Variants in CCDC9 observed in about 807,000 individuals in gnomAD.
CCDC9 encodes coiled-coil domain-containing protein 9.
In CCDC9, 52 loss-of-function variants were observed where a neutral mutation model predicts 65.6. The observed-to-expected ratio is 0.79, with a 90% CI of 0.63 to 1.00. The LOEUF (loss-of-function observed/expected upper bound fraction) is 1.00, where lower values mean the gene tolerates loss of function less well. Among genes scored for constraint, CCDC9 ranks in the 50% least tolerant of loss-of-function variants. CCDC9 has a pLI of 0.00. For missense variants in CCDC9, 834 were observed against 757.2 expected, an observed-to-expected ratio of 1.10 and a Z score of -1.19; for synonymous variants, 332 against 280.3, an observed-to-expected ratio of 1.18 and a Z score of -1.84.
chr19:47,269,537 G>A (rs1488388483), intron 8 of CCDC9, among the ~76,000 whole-genome samples: 1 of 152,064 alleles, frequency 6.6e-6, no homozygotes, highest in African/African-American at 2.4e-5. Flanking sequence ...TTTTAGTAGA[G>A]ATGGGGTTTC....
Position 47,271,345 on chromosome 19 carries a change from T to A in CCDC9, c.1263T>A (p.Asp421Glu). ...GGGAAGAGAATGAGGGGGAAGAGGA[T>A]GAAGAATGGGAGGACATAAGTGAGG... ...DEGEENEGEE[D>E]EEWEDISEDE... The change falls in exon 12 of 12, where the codon GAT (aspartate) becomes GAA (glutamate). Residue 421 changes from aspartate to glutamate, a missense_variant. Transcript: ENST00000221922. 6.2e-7 allele frequency: 1 copy of A among 1,612,660 alleles called. No homozygotes were observed. Among genetic ancestry groups the A allele is most frequent in the South Asian group, 1.1e-5 (1 of 90,978 alleles).
chr19:47,265,059 C>G (rs907856628), intron 7 of CCDC9, 113 bp downstream of exon 7: 4 of 927,600 alleles, frequency 4.3e-6, no homozygotes, highest in South Asian at 4.2e-5. Context: ...TGCCACAGCA[C>G]AGGACTTTTT....
At chr19:47,274,774 A>C (rs1255383952), downstream of CCDC9, 5 of 365,594 alleles carry the variant, frequency 1.4e-5, no homozygotes, top group Non-Finnish European at 1.5e-5. Context: ...CGGAGGCGGC[A>C]GCTCGCGTGG....
chr19:47,259,344 TG>T (rs2059030421), intron 3 of CCDC9, among the ~76,000 whole-genome samples: 1 of 151,804 alleles, frequency 6.6e-6, no homozygotes, highest in Admixed American at 6.6e-5. Flanking sequence ...TGAGCAGGGG[TG>T]GGACCGGTCA....
downstream of CCDC9, chr19:47,272,115 C>T (rs1299063643): frequency 3.2e-6 from 4 of 1,236,004 alleles, no homozygotes; most frequent in African/African-American, 4.7e-5. Flanking sequence ...GGCCCAGCCT[C>T]CGAGGAACCC....
At chr19:47,257,199 C>A (rs888328285) in intron 1 of CCDC9, among the ~76,000 whole-genome samples, 1 of 146,038 alleles carries the variant, frequency 6.8e-6, no homozygotes, top group Non-Finnish European at 1.5e-5. Flanking sequence ...GGGCCAGATG[C>A]TGACGCAACG....
rs148346378 is a variant in CCDC9, at chr19:47,271,576, T to G, written c.1494T>G (p.Pro498=). Residue 498 remains proline (P), a synonymous_variant, in exon 12 of 12, where the codon CCT becomes CCG. Coordinates refer to ENST00000221922, the MANE Select transcript of CCDC9 (RefSeq NM_015603.3). ...TCTCACCACCCAGCGGCCACCAGCC[T>G]GTGTCCGATTGGGGTGAAGAGGTGG... ...SPFSPPSGHQ[P]VSDWGEEVEL... 4.6e-4 allele frequency: 735 copies of G among 1,613,210 alleles called. No homozygotes were observed. The highest frequency in any genetic ancestry group is 5.6e-4 in the Non-Finnish European group (660 of 1,179,930).
downstream of CCDC9, among the ~76,000 whole-genome samples, chr19:47,273,089 CCT>C (rs141424299): frequency 0.018 from 2,735 of 151,994 alleles, 112 homozygotes; most frequent in African/African-American, 0.063. Context: ...GGGCCCAGAC[CCT>C]CTGTCTTGGG....
chr19:47,271,061 C>T, intron 10 of CCDC9, 21 bp from the exon 11 acceptor site: 1 of 1,515,152 alleles, frequency 6.6e-7, no homozygotes, highest in South Asian at 1.2e-5. Flanking sequence ...CAGGCATCAC[C>T]CCTCCCTCTG....
intron 5 of CCDC9, among the ~76,000 whole-genome samples, chr19:47,261,323 T>C (rs1046858530): frequency 5.9e-5 from 9 of 152,052 alleles, no homozygotes; most frequent in African/African-American, 1.9e-4. Flanking sequence ...TGGCATTCTG[T>C]TTCTGTGTGT....
intron 8 of CCDC9, 95 bp downstream of exon 8, chr19:47,266,887 ATGAG>A: frequency 7.1e-7 from 1 of 1,416,364 alleles, no homozygotes. Flanking sequence ...CCTGCTGTGT[ATGAG>A]TGAGTGACTG....
At chr19:47,260,533 G>C in intron 4 of CCDC9, 55 bp from the exon 5 acceptor site, 2 of 1,570,546 alleles carry the variant, frequency 1.3e-6, no homozygotes, top group Non-Finnish European at 1.7e-6. Context: ...CCTCCATCCT[G>C]GCCGCATGCC....
Position 47,270,936 on chromosome 19 carries a change from C to A in CCDC9, c.1086-146C>A. 2.7e-6 allele frequency: 2 copies of A among 735,110 alleles called. 1 individual carries two copies. The highest frequency in any genetic ancestry group is 3.5e-5 in the South Asian group (2 of 57,390). The allele number at this position is 735,110 out of a possible 1,614,324, so 45.5% of individuals were successfully genotyped here. A position where few individuals can be genotyped will look rare whatever the true frequency, so the allele number is the denominator to read the frequency against. On this transcript the variant is annotated intron_variant, in intron 10 of 11. Coordinates refer to ENST00000221922, the MANE Select transcript of CCDC9 (RefSeq NM_015603.3). ...CCCCACTTTCGTTCTGTCCTTGACA[C>A]ATGGGGACACACATCCGCCATTCCC...
chr19:47,270,261 G>A (rs1600290200), intron 8 of CCDC9, 146 bp from the exon 9 acceptor site: 2 of 753,272 alleles, frequency 2.7e-6, no homozygotes, highest in Non-Finnish European at 4.5e-6. Context: ...GAGCCACCAT[G>A]CCCGGCCCTG....
At chr19:47,261,662 A>G (rs1366462374) in intron 5 of CCDC9, among the ~76,000 whole-genome samples, 2 of 144,450 alleles carry the variant, frequency 1.4e-5, no homozygotes, top group East Asian at 2.1e-4. Flanking sequence ...CAGTGAGCCG[A>G]GATCATGCCA....
intron 7 of CCDC9, 183 bp from the exon 8 acceptor site, chr19:47,266,428 G>A (rs1210181607): frequency 1.5e-5 from 12 of 791,944 alleles, no homozygotes. Flanking sequence ...AGGGGACAGA[G>A]GGATGCTACT....
At position 47,264,965 on chromosome 19, in the gene CCDC9, G is replaced by T; in HGVS notation, c.720+19G>T. 1 of 1,434,928 alleles carries T rather than the reference G, an allele frequency of 7.0e-7. No individual in the cohort carries two copies. Among genetic ancestry groups the T allele is most frequent in the Non-Finnish European group, 9.1e-7 (1 of 1,097,928 alleles). 88.9% of individuals were successfully genotyped at this position (1,434,928 alleles called of 1,614,324 possible). A position where few individuals can be genotyped will look rare whatever the true frequency, so the allele number is the denominator to read the frequency against. On this transcript the variant is annotated intron_variant, in intron 7 of 11. Transcript: ENST00000221922. ...GCGGCAGGTGGGTGTTGGCAGTGAGGACACCTCGGGGCTCTCAGGGCTTTG... is the reference window on the plus strand; with the variant it reads ...GCGGCAGGTGGGTGTTGGCAGTGAGTACACCTCGGGGCTCTCAGGGCTTTG...
Position 47,266,762 on chromosome 19 carries a change from G to A in CCDC9, c.872G>A (p.Arg291His), listed in dbSNP as rs753968748. 11 of 1,609,554 alleles carry A rather than the reference G, an allele frequency of 6.8e-6. No individual in the cohort carries two copies. The highest frequency in any genetic ancestry group is 4.0e-5 in the African/African-American group (3 of 74,890). Reference sequence around the variant, plus strand: ...CGCAAGCCCACTGGCCAGTGGAGGCGCGAGTGGGATGCCGAGAAGACCGAT... The same window carrying A: ...CGCAAGCCCACTGGCCAGTGGAGGCACGAGTGGGATGCCGAGAAGACCGAT... ...RHRKPTGQWR[R>H]EWDAEKTDGM... Residue 291 changes from arginine (R) to histidine (H), a missense_variant, in exon 8 of 12, where the codon CGC becomes CAC. Transcript: ENST00000221922.
At chr19:47,272,189 G>T (rs1395968368), downstream of CCDC9, 9 of 1,223,066 alleles carry the variant, frequency 7.4e-6, no homozygotes, top group Non-Finnish European at 8.2e-6. Flanking sequence ...GCATGGGATG[G>T]AGGCCGCTGC....
Sources: allele counts gnomAD v4.1 joint callset (sites outside exome capture counted in the v4.1 genomes callset), GRCh38; gene constraint gnomAD v4.1.1; transcripts MANE v1.5; gene names NCBI Gene and HGNC (gene_info 2026-07-23, HGNC 2026-07-21).